Variants in LRRC7 observed in about 807,000 individuals in gnomAD.
The protein encoded by LRRC7 is leucine-rich repeat-containing protein 7.
A neutral mutation model predicts 175.7 loss-of-function variants in LRRC7; 23 were observed. The observed-to-expected ratio is 0.13, with a 90% CI of 0.09 to 0.19. The LOEUF (loss-of-function observed/expected upper bound fraction) is 0.19. Ranked by LOEUF, LRRC7 falls within the 10% of genes least tolerant of loss-of-function variation. The pLI is 1.00. For synonymous variants in LRRC7, 685 were observed against 680.9 expected (o/e 1.01, Z -0.09); for missense variants, 1,354 against 1,904.7 (o/e 0.71, Z 5.38).
rs192276905 is a variant in LRRC7, at chr1:69,800,646, T to G, written c.421+8486T>G. ...AATCTAAGCATTTTTTGAGGAGTCT[T>G]TAGGGTTTTCTAGGTATAAGATCAC... On this transcript the variant is annotated intron_variant, in intron 4 of 26. Coordinates refer to ENST00000651989, the MANE Select transcript of LRRC7 (RefSeq NM_001370785.2). Among the ~76,000 whole-genome samples, 474 of 151,972 alleles carry G rather than the reference T, an allele frequency of 3.1e-3. 5 individuals carry two copies. The highest frequency in any genetic ancestry group is 0.024 in the Middle Eastern group (7 of 294).
intron 8 of LRRC7, among the ~76,000 whole-genome samples, chr1:69,952,061 A>G (rs1649996084): frequency 6.6e-6 from 1 of 152,042 alleles, no homozygotes; most frequent in South Asian, 2.1e-4. Flanking sequence ...AATGGATAAA[A>G]ACAGAAAATA....
At chr1:70,050,992 G>A (rs920692803) in intron 22 of LRRC7, among the ~76,000 whole-genome samples, 6 of 151,864 alleles carry the variant, frequency 4.0e-5, no homozygotes, top group Non-Finnish European at 8.8e-5. Context: ...GCATGTTTAT[G>A]TTCCTTTTGG....
chr1:69,698,768 T>C (rs1351805618), intron 2 of LRRC7, among the ~76,000 whole-genome samples: 1 of 152,230 alleles, frequency 6.6e-6, no homozygotes, highest in Non-Finnish European at 1.5e-5. Flanking sequence ...TAATTCATCA[T>C]TAGGTAATAA....
chr1:70,100,773 T>C (rs998756335), intron 25 of LRRC7, among the ~76,000 whole-genome samples: 2 of 152,204 alleles, frequency 1.3e-5, no homozygotes, highest in Admixed American at 1.3e-4. Flanking sequence ...TCCTTTTCTT[T>C]CTTTCTCCCT....
intron 4 of LRRC7, among the ~76,000 whole-genome samples, chr1:69,797,445 C>T (rs759170205): frequency 3.9e-5 from 6 of 152,158 alleles, no homozygotes; most frequent in African/African-American, 1.4e-4. Context: ...TTCTCTCCAA[C>T]CTGCTTTTTT....
chr1:69,622,379 A>T (rs1173918487), intron 1 of LRRC7, among the ~76,000 whole-genome samples: 1 of 152,152 alleles, frequency 6.6e-6, no homozygotes, highest in Non-Finnish European at 1.5e-5. Context: ...ACCATTTCCT[A>T]CATGCTAATC....
chr1:69,836,935 G>T (rs1445537284), intron 6 of LRRC7, among the ~76,000 whole-genome samples: 2 of 151,518 alleles, frequency 1.3e-5, no homozygotes, highest in African/African-American at 4.8e-5. Flanking sequence ...CAGTAAATAT[G>T]GGAGATGTAG....
At chr1:69,780,662 A>T (rs1440076658) in intron 3 of LRRC7, among the ~76,000 whole-genome samples, 4 of 152,180 alleles carry the variant, frequency 2.6e-5, no homozygotes, top group Admixed American at 6.5e-5. Context: ...AATTATTAAC[A>T]CTTGTTTTAA....
intron 2 of LRRC7, among the ~76,000 whole-genome samples, chr1:69,718,148 G>GAAAGAAAGAAAGA (rs1665911741): frequency 2.8e-5 from 4 of 141,986 alleles, no homozygotes; most frequent in Non-Finnish European, 4.6e-5. Context: ...GAGAGAGAAA[G>GAAAGAAAGAAAGA]AAAGAAAGAA....
At chr1:69,998,380 C>G (rs1655210170) in intron 11 of LRRC7, among the ~76,000 whole-genome samples, 1 of 152,126 alleles carries the variant, frequency 6.6e-6, no homozygotes, top group African/African-American at 2.4e-5. Flanking sequence ...AATTCAAACT[C>G]AGATGTTCAG....
intron 4 of LRRC7, among the ~76,000 whole-genome samples, chr1:69,812,910 C>T (rs72941496): frequency 0.091 from 13,889 of 152,030 alleles, 748 homozygotes; most frequent in African/African-American, 0.14. Context: ...GCTATTGATG[C>T]GAAACTGTAA....
intron 4 of LRRC7, among the ~76,000 whole-genome samples, chr1:69,820,125 C>A (rs951300801): frequency 6.6e-6 from 1 of 151,066 alleles, no homozygotes; most frequent in African/African-American, 2.4e-5. Context: ...TTGCTCTCTT[C>A]CTTTGTGATT....
intron 3 of LRRC7, among the ~76,000 whole-genome samples, chr1:69,770,292 CT>C (rs1309422197): frequency 1.3e-5 from 2 of 152,134 alleles, no homozygotes; most frequent in Non-Finnish European, 2.9e-5. Flanking sequence ...TCAATCGATG[CT>C]TCGTTTCATT....
intron 8 of LRRC7, among the ~76,000 whole-genome samples, chr1:69,949,145 A>T (rs1009485366): frequency 2.6e-5 from 4 of 151,962 alleles, no homozygotes; most frequent in Non-Finnish European, 5.9e-5. Flanking sequence ...AAAGAAAAAA[A>T]AAAAAGGAAA....
chr1:69,822,427 G>A (rs947680320), intron 4 of LRRC7, among the ~76,000 whole-genome samples: 6 of 152,322 alleles, frequency 3.9e-5, no homozygotes, highest in South Asian at 4.1e-4. Flanking sequence ...GAGGCATACC[G>A]AACAGGTCAT....
rs999379525 is a variant in LRRC7, at chr1:70,132,448, T to C, written c.*10561T>C. On this transcript the variant is annotated 3_prime_UTR_variant, in exon 27 of 27. Coordinates refer to ENST00000651989, the MANE Select transcript of LRRC7 (RefSeq NM_001370785.2). ...CAGAGTACTTTTCTTTTTTCTTTTC[T>C]TTTCTTTTCTTTTTTTTTTTTTTTT... 7.6e-4 allele frequency among the ~76,000 whole-genome samples: 60 copies of C among 78,950 alleles called. No homozygotes were observed. The highest frequency in any genetic ancestry group is 3.2e-3 in the African/African-American group (56 of 17,570). 51.8% of individuals were successfully genotyped at this position (78,950 alleles called of 152,430 possible).
At chr1:69,604,863 TGACATTA>T (rs1647277659) in intron 1 of LRRC7, among the ~76,000 whole-genome samples, 1 of 152,186 alleles carries the variant, frequency 6.6e-6, no homozygotes, top group South Asian at 2.1e-4. Context: ...TTACTACTAA[TGACATTA>T]CACAAATAAA....
In LRRC7 at chr1:69,590,909, T is replaced by A. The variant is rs542155899; in HGVS notation, c.2+22268T>A. On this transcript the variant is annotated intron_variant, in intron 1 of 26. Transcript: ENST00000651989. The stretch of plus-strand genomic sequence containing the variant: ...GGTAAGGATTGAGAAATAATTAATG[T>A]TGAAAAAAGTTTAAAAAATATAAAA... Among the ~76,000 whole-genome samples the A allele has an allele frequency of 5.3e-5, 8 of 152,180 alleles. No individual in the cohort carries two copies. In the South Asian group the frequency reaches 1.7e-3, roughly 32 times the overall value.
intron 1 of LRRC7, among the ~76,000 whole-genome samples, chr1:69,653,039 A>G (rs1418117619): frequency 6.6e-6 from 1 of 152,068 alleles, no homozygotes; most frequent in Non-Finnish European, 1.5e-5. Context: ...GGTCTTGGCA[A>G]TGATTTATTG....
Sources: allele counts gnomAD v4.1 joint callset (sites outside exome capture counted in the v4.1 genomes callset), GRCh38; gene constraint gnomAD v4.1.1; transcripts MANE v1.5; gene names NCBI Gene and HGNC (gene_info 2026-07-23, HGNC 2026-07-21).